Variants in LHPP observed in about 807,000 individuals in gnomAD.
LHPP encodes phospholysine phosphohistidine inorganic pyrophosphate phosphatase, also known as hLHPP.
In LHPP, 24 loss-of-function variants were observed where a neutral mutation model predicts 30.3. The observed-to-expected ratio is 0.79, with a 90% CI of 0.57 to 1.11. LHPP has a LOEUF of 1.11. Among genes scored for constraint, LHPP ranks in the 50% most tolerant of loss-of-function variants. The pLI is 0.00. For synonymous variants in LHPP, 150 were observed against 157.1 expected (o/e 0.95, Z 0.34); for missense variants, 356 against 367.2 (o/e 0.97, Z 0.25).
intron 4 of LHPP, among the ~76,000 whole-genome samples, chr10:124,497,355 G>C (rs1953756494): frequency 6.7e-6 from 1 of 149,330 alleles, no homozygotes; most frequent in Non-Finnish European, 1.5e-5. Context: ...GCTGCTCTCT[G>C]CCACACTCCT....
At chr10:124,506,270 C>CCCCCT (rs1484941332) in intron 5 of LHPP, among the ~76,000 whole-genome samples, 1 of 125,980 alleles carries the variant, frequency 7.9e-6, no homozygotes, top group Admixed American at 8.3e-5. Flanking sequence ...CAAACCCCCC[C>CCCCCT]CCCACCCCGC....
Position 124,510,434 on chromosome 10 carries a change from G to A in LHPP, c.625-6746G>A, listed in dbSNP as rs1026136968. Among the ~76,000 whole-genome samples, 10 of 152,112 alleles carry A rather than the reference G, an allele frequency of 6.6e-5. No homozygotes were observed. The highest frequency in any genetic ancestry group is 9.7e-5 in the African/African-American group (4 of 41,422). On this transcript the variant is annotated intron_variant, in intron 5 of 6. Coordinates refer to ENST00000368842, the MANE Select transcript of LHPP (RefSeq NM_022126.4). The surrounding 1 kb of genome is among the most constrained non-coding windows in gnomAD (Gnocchi z 4.0). ...CCGGCCCCCAGCCTCCGCCTCCCTC[G>A]CCGACAGCTTCCCGGGGCTCTGCCT...
intron 6 of LHPP, among the ~76,000 whole-genome samples, chr10:124,575,054 CAG>C (rs1280845914): frequency 4.6e-5 from 7 of 152,226 alleles, no homozygotes; most frequent in Admixed American, 2.6e-4. Flanking sequence ...AGCCTCGAAA[CAG>C]AGCCCTTGGG....
chr10:124,490,555 C>A, intron 3 of LHPP: 1 of 333,816 alleles, frequency 3.0e-6, no homozygotes, highest in South Asian at 2.9e-5. Context: ...AAATAGCAAT[C>A]TGGTTCTTCT....
chr10:124,504,938 C>T (rs992393135), intron 5 of LHPP, among the ~76,000 whole-genome samples: 4 of 152,098 alleles, frequency 2.6e-5, no homozygotes, highest in African/African-American at 4.8e-5. Flanking sequence ...GGTGGGTCAC[C>T]GTGGCTGCTT....
At chr10:124,487,591 C>T (rs956711958) in intron 2 of LHPP, among the ~76,000 whole-genome samples, 3 of 151,858 alleles carry the variant, frequency 2.0e-5, no homozygotes, top group South Asian at 2.1e-4. Context: ...TACAGGCGGC[C>T]GCCACCGTGC....
rs368595736 is a variant in LHPP at position 124,544,310 on chromosome 10, G to A, written c.716+27039G>A. Reference sequence around the variant, plus strand: ...ACCTCCCCTCTCTGGAACCAGGGGTGGGAGGGACTGTGCTCCCCAGAATGA... The same window carrying A: ...ACCTCCCCTCTCTGGAACCAGGGGTAGGAGGGACTGTGCTCCCCAGAATGA... On this transcript the variant is annotated intron_variant, in intron 6 of 6. Coordinates refer to ENST00000368842, the MANE Select transcript of LHPP (RefSeq NM_022126.4). 1.5e-3 allele frequency among the ~76,000 whole-genome samples: 225 copies of A among 152,382 alleles called. 7 individuals are homozygous for A. In the South Asian group the frequency reaches 0.045, roughly 31 times the overall value.
chr10:124,516,618 G>A (rs570844135), intron 5 of LHPP, among the ~76,000 whole-genome samples: 2 of 152,170 alleles, frequency 1.3e-5, no homozygotes, highest in African/African-American at 4.8e-5. Flanking sequence ...GTTTTTTCAG[G>A]TGAGAGAGTT....
chr10:124,506,793 T>C (rs112314370), intron 5 of LHPP, among the ~76,000 whole-genome samples: 2 of 2,448 alleles, frequency 8.2e-4, no homozygotes, highest in East Asian at 0.019. Flanking sequence ...GATTTCAGGT[T>C]GGGGGGGGTA....
rs1469055737 is a variant in LHPP at position 124,488,520 on chromosome 10, G to A, written c.412G>A (p.Ala138Thr). ...ESFSYQNMNN[A>T]FQVLMELEKP... ...CTTTTCTTATCAAAACATGAATAAC[G>A]CCTTCCAGGTGCTCATGGAGCTGGA... is the stretch of plus-strand genomic sequence containing the variant. The change falls in exon 3 of 7, where the codon GCC becomes ACC. Residue 138 changes from alanine (A) to threonine (T), a missense_variant. Transcript: ENST00000368842. 1.5e-5 allele frequency: 25 copies of A among 1,613,736 alleles called. No individual in the cohort carries two copies. The highest frequency in any genetic ancestry group is 9.9e-5 in the South Asian group (9 of 91,066).
chr10:124,573,538 T>A (rs541308754), intron 6 of LHPP, among the ~76,000 whole-genome samples: 3 of 152,254 alleles, frequency 2.0e-5, no homozygotes, highest in Admixed American at 6.5e-5. Context: ...CTTGAACTCC[T>A]GACCTCAAAG....
intron 6 of LHPP, among the ~76,000 whole-genome samples, chr10:124,600,857 C>T (rs1005341426): frequency 6.6e-6 from 1 of 152,246 alleles, no homozygotes; most frequent in Non-Finnish European, 1.5e-5. Context: ...CTTGTGTGCT[C>T]ATTAGGAGCC....
At chr10:124,545,177 C>A (rs150013132) in intron 6 of LHPP, among the ~76,000 whole-genome samples, 7 of 152,286 alleles carry the variant, frequency 4.6e-5, no homozygotes, top group East Asian at 1.9e-4. Flanking sequence ...CTCCTGTGTG[C>A]GGCTCCCTCC....
chr10:124,503,516 T>G lies in LHPP; in HGVS notation c.624+5388T>G, dbSNP rs375756072. On this transcript the variant is annotated intron_variant, in intron 5 of 6. Coordinates refer to ENST00000368842, the MANE Select transcript of LHPP (RefSeq NM_022126.4). The stretch of plus-strand genomic sequence containing the variant: ...GAATAATTCTTTTTTGTGGGTGGTA[T>G]TCCCCCAAGTGGACGCTCTTTGAAT... Among the ~76,000 whole-genome samples the G allele has an allele frequency of 3.9e-5, 6 of 152,092 alleles. No individual in the cohort carries two copies. In the South Asian group the frequency reaches 1.2e-3, roughly 32 times the overall value.
intron 1 of LHPP, among the ~76,000 whole-genome samples, chr10:124,470,166 C>G (rs1355919965): frequency 6.6e-6 from 1 of 152,136 alleles, no homozygotes; most frequent in East Asian, 1.9e-4. Context: ...CAGGGCCCAG[C>G]ACAGCGAGGG....
intron 1 of LHPP, among the ~76,000 whole-genome samples, chr10:124,468,571 A>G (rs1317860676): frequency 6.6e-6 from 1 of 152,104 alleles, no homozygotes; most frequent in Non-Finnish European, 1.5e-5. Flanking sequence ...CTTGTCCACG[A>G]GGACCTTCTC....
intron 6 of LHPP, among the ~76,000 whole-genome samples, chr10:124,588,955 C>T (rs759821052): frequency 9.2e-5 from 14 of 152,190 alleles, no homozygotes; most frequent in Non-Finnish European, 1.6e-4. Context: ...CAGCCACAGC[C>T]GGTGCAGCGC....
intron 6 of LHPP, among the ~76,000 whole-genome samples, chr10:124,552,895 T>G (rs1160453812): frequency 6.6e-6 from 1 of 152,262 alleles, no homozygotes; most frequent in Non-Finnish European, 1.5e-5. Flanking sequence ...TAATTACACT[T>G]ATAAACCTAA....
At chr10:124,565,391 G>T (rs1948471574) in intron 6 of LHPP, among the ~76,000 whole-genome samples, 1 of 152,144 alleles carries the variant, frequency 6.6e-6, no homozygotes, top group African/African-American at 2.4e-5. Context: ...CTCCGTGCAG[G>T]CCATAGTCCC....
Sources: gnomAD v4.1 joint callset for allele counts (sites outside exome capture counted in the v4.1 genomes callset) on GRCh38, gnomAD v4.1.1 for gene constraint, Gnocchi (gnomAD v3.1) non-coding constraint, MANE v1.5 for transcripts, NCBI Gene and HGNC (gene_info 2026-07-23, HGNC 2026-07-21) for gene names.